SAMD12: variants seen among roughly 807,000 people sequenced by gnomAD.
SAMD12 encodes the protein sterile alpha motif domain containing 12.
A neutral mutation model predicts 15.0 loss-of-function variants in SAMD12; 9 were observed. The observed-to-expected ratio is 0.60, with a 90% confidence interval of 0.36 to 1.05. SAMD12 has a LOEUF of 1.05. SAMD12 is among the 50% of genes least tolerant of loss of function. The pLI is 0.01. For missense variants in SAMD12, 230 were observed against 234.2 expected (o/e 0.98, Z 0.12); for synonymous variants, 86 against 90.1 (o/e 0.96, Z 0.25).
chr8:118,235,665 A>C (rs898393451), intron 4 of SAMD12, among the ~76,000 whole-genome samples: 1 of 152,164 alleles, frequency 6.6e-6, no homozygotes, highest in African/African-American at 2.4e-5. Flanking sequence ...TCAGAGTGAA[A>C]TTCATTTTGT....
chr8:118,617,401 CAT>C (rs1299278975), intron 1 of SAMD12, among the ~76,000 whole-genome samples: 1 of 152,192 alleles, frequency 6.6e-6, no homozygotes, highest in Admixed American at 6.5e-5. Flanking sequence ...GGAGAAAAAA[CAT>C]AGAACCTGAG....
chr8:118,388,618 T>C (rs1156963168), intron 3 of SAMD12, among the ~76,000 whole-genome samples: 1 of 152,218 alleles, frequency 6.6e-6, no homozygotes, highest in Non-Finnish European at 1.5e-5. Context: ...AGCACCTCAC[T>C]AGAGCCTTAC....
chr8:118,586,195 T>C (rs965060874), intron 1 of SAMD12, among the ~76,000 whole-genome samples: 13 of 152,186 alleles, frequency 8.5e-5, no homozygotes, highest in African/African-American at 3.1e-4. Flanking sequence ...ACTGACCTTT[T>C]ACATCATATG....
At chr8:118,193,492 T>C (rs1819465068) in exon 5 of SAMD12, 2 of 152,334 alleles carry the variant, frequency 1.3e-5, no homozygotes, top group Admixed American at 1.3e-4. Context: ...GCCTTTGAAA[T>C]AGAGTCCTTA....
chr8:118,545,098 G>A (rs76220982), intron 2 of SAMD12, among the ~76,000 whole-genome samples: 2,885 of 152,168 alleles, frequency 0.019, 97 homozygotes, highest in African/African-American at 0.065. Flanking sequence ...CCTTGGATGA[G>A]GTCCAAAACT....
intron 4 of SAMD12, among the ~76,000 whole-genome samples, chr8:118,334,233 C>A (rs1192770082): frequency 6.6e-6 from 1 of 152,154 alleles, no homozygotes; most frequent in Non-Finnish European, 1.5e-5. Flanking sequence ...AATCGGTGAG[C>A]TCTTTGAGTA....
chr8:118,370,455 A>C lies in SAMD12; in HGVS notation c.433+9105T>G, dbSNP rs1043913647. On this transcript the variant is annotated intron_variant, in intron 4 of 4. Coordinates refer to the SAMD12 transcript ENST00000409003. ...CTGGGTATATACCCAAAGGAATATA[A>C]ATCATTCTGTTTTAAAGACACATGC... 7.6e-4 allele frequency among the ~76,000 whole-genome samples: 116 copies of C among 152,298 alleles called. 1 individual carries two copies. Among genetic ancestry groups the C allele is most frequent in the African/African-American group, 2.8e-3 (115 of 41,568 alleles).
chr8:118,494,918 A>G (rs140339758), intron 2 of SAMD12, among the ~76,000 whole-genome samples: 1 of 152,300 alleles, frequency 6.6e-6, no homozygotes, highest in Non-Finnish European at 1.5e-5. Context: ...AACAGGGGTT[A>G]CCCAGTTCTG....
intron 2 of SAMD12, among the ~76,000 whole-genome samples, chr8:118,465,753 T>C (rs188043021): frequency 4.1e-4 from 63 of 152,320 alleles, no homozygotes; most frequent in African/African-American, 1.5e-3. Flanking sequence ...CTTGACTGCC[T>C]TAGTATTCCA....
chr8:118,490,476 G>A (rs1319874520), intron 2 of SAMD12, among the ~76,000 whole-genome samples: 1 of 152,092 alleles, frequency 6.6e-6, no homozygotes, highest in Non-Finnish European at 1.5e-5. Flanking sequence ...TTGTGTTCAG[G>A]GATAATAATA....
At chr8:118,490,262 T>C (rs925234113) in intron 2 of SAMD12, among the ~76,000 whole-genome samples, 7 of 152,170 alleles carry the variant, frequency 4.6e-5, no homozygotes, top group Non-Finnish European at 7.4e-5. Flanking sequence ...TATTGAGATG[T>C]GGTTCCCATA....
At chr8:118,157,007 T>C in the SAMD12 span, among the ~76,000 whole-genome samples, 126 of 152,308 alleles carry the variant, frequency 8.3e-4, 2 homozygotes, top group African/African-American at 2.8e-3. Flanking sequence ...CAGGCAATAA[T>C]ACACAGCCAG....
chr8:118,310,674 G>C (rs183112481), intron 4 of SAMD12, among the ~76,000 whole-genome samples: 1 of 152,304 alleles, frequency 6.6e-6, no homozygotes, highest in African/African-American at 2.4e-5. Context: ...GAGGCAGAGA[G>C]AGAGTTGCTG....
At chr8:118,324,263 G>A (rs1030810351) in intron 4 of SAMD12, among the ~76,000 whole-genome samples, 1 of 152,112 alleles carries the variant, frequency 6.6e-6, no homozygotes, top group African/African-American at 2.4e-5. Flanking sequence ...TTGCCAAGGG[G>A]TTCCATTCTT....
intron 4 of SAMD12, among the ~76,000 whole-genome samples, chr8:118,222,224 T>C (rs575019341): frequency 9.2e-5 from 14 of 152,218 alleles, no homozygotes; most frequent in African/African-American, 3.1e-4. Flanking sequence ...GGACTGGGTT[T>C]TTTTCAAGAG....
chr8:118,199,111 T>A (rs1819642403), intron 4 of SAMD12, among the ~76,000 whole-genome samples: 1 of 152,184 alleles, frequency 6.6e-6, no homozygotes, highest in East Asian at 1.9e-4. Context: ...TATACTACAA[T>A]ATAAAGCTTA....
chr8:118,338,872 A>G (rs1458628917), intron 4 of SAMD12, among the ~76,000 whole-genome samples: 1 of 152,176 alleles, frequency 6.6e-6, no homozygotes, highest in African/African-American at 2.4e-5. Context: ...CAAAACCCAA[A>G]TGAATGTTAA....
At chr8:118,523,905 C>T (rs561696663) in intron 2 of SAMD12, among the ~76,000 whole-genome samples, 1 of 152,264 alleles carries the variant, frequency 6.6e-6, no homozygotes, top group African/African-American at 2.4e-5. Context: ...CCCACTTACT[C>T]TGCCTTTTCT....
intron 2 of SAMD12, among the ~76,000 whole-genome samples, chr8:118,461,401 G>C (rs1377475881): frequency 6.6e-6 from 1 of 152,102 alleles, no homozygotes; most frequent in African/African-American, 2.4e-5. Context: ...AATTATATAT[G>C]GTAATTCTTG....
Sources: allele counts gnomAD v4.1 joint callset (sites outside exome capture counted in the v4.1 genomes callset), GRCh38; gene constraint gnomAD v4.1.1; transcripts MANE v1.5; gene names NCBI Gene and HGNC (gene_info 2026-07-23, HGNC 2026-07-21).